DNAJC13: variants seen among roughly 807,000 people sequenced by gnomAD.
DNAJC13 encodes dnaJ homolog subfamily C member 13.
In DNAJC13, 75 loss-of-function variants were observed where a neutral mutation model predicts 290.5. The observed-to-expected ratio is 0.26, with a 90% CI of 0.21 to 0.31. The LOEUF is 0.31. Ranked by LOEUF, DNAJC13 falls within the 10% of genes least tolerant of loss-of-function variation. The pLI is 1.00. For missense variants in DNAJC13, 2,260 were observed against 2,674.5 expected (o/e 0.85, Z 3.42); for synonymous variants, 862 against 892.0 (o/e 0.97, Z 0.60).
intron 1 of DNAJC13, among the ~76,000 whole-genome samples, chr3:132,425,388 G>A (rs1421595465): frequency 2.0e-5 from 3 of 152,116 alleles, no homozygotes; most frequent in Non-Finnish European, 2.9e-5. Flanking sequence ...CCAACATATT[G>A]TAAACATTTT....
At chr3:132,479,149 T>C in intron 24 of DNAJC13, 78 bp from the exon 25 acceptor site, 1 of 853,200 alleles carries the variant, frequency 1.2e-6, no homozygotes, top group Non-Finnish European at 1.9e-6. Context: ...GGGCTGTTGG[T>C]TTATTTTGTC....
intron 36 of DNAJC13, among the ~76,000 whole-genome samples, chr3:132,497,322 A>AG (rs1260987555): frequency 1.3e-5 from 2 of 152,194 alleles, no homozygotes; most frequent in African/African-American, 4.8e-5. Context: ...GTTGGGGATG[A>AG]GGGGTTAGGT....
rs1473345956 is a variant in DNAJC13 at position 132,482,348 on chromosome 3, A to G, written c.2979+18A>G. The G allele has an allele frequency of 6.2e-7, 1 of 1,601,400 alleles. No homozygotes were observed. ...TTCATGAGGTATGTATCTTGGAGAT[A>G]CTTTTGGTGAAGGTCTCAGCATTTC... is the stretch of plus-strand genomic sequence containing the variant. On this transcript the variant is annotated intron_variant, in intron 27 of 55. Coordinates refer to ENST00000260818, the MANE Select transcript of DNAJC13 (RefSeq NM_015268.4).
At chr3:132,532,255 A>G (rs752461429) in intron 55 of DNAJC13, among the ~76,000 whole-genome samples, 1 of 152,194 alleles carries the variant, frequency 6.6e-6, no homozygotes, top group Non-Finnish European at 1.5e-5. Context: ...CTAGTATAGA[A>G]GTTTATAAGA....
chr3:132,455,782 CAAAA>C (rs1933577213), intron 9 of DNAJC13, among the ~76,000 whole-genome samples: 1 of 152,106 alleles, frequency 6.6e-6, no homozygotes, highest in Admixed American at 6.5e-5. Flanking sequence ...CTTTAAAAAG[CAAAA>C]CTATAGAGAT....
Position 132,505,581 on chromosome 3 carries a change from T to C in DNAJC13, c.4998+166T>C, listed in dbSNP as rs953601523. Among the ~76,000 whole-genome samples the C allele has an allele frequency of 4.6e-5, 7 of 152,362 alleles. No individual in the cohort carries two copies. In the South Asian group the frequency reaches 1.2e-3, roughly 27 times the overall value. ...CCCATTTAAGAAGAGCATTGTGTTG[T>C]ATGTAGTAATACATTAGGAATTTTT... On this transcript the variant is annotated intron_variant, in intron 42 of 55. Coordinates refer to ENST00000260818, the MANE Select transcript of DNAJC13 (RefSeq NM_015268.4).
chr3:132,459,283 G>A (rs537112362), intron 13 of DNAJC13, among the ~76,000 whole-genome samples: 41 of 152,234 alleles, frequency 2.7e-4, no homozygotes, highest in African/African-American at 9.4e-4. Context: ...ATTCTGACAC[G>A]TTTTGCAACA....
chr3:132,449,024 A>G (rs1426425711), intron 5 of DNAJC13, among the ~76,000 whole-genome samples: 1 of 152,196 alleles, frequency 6.6e-6, no homozygotes, highest in Non-Finnish European at 1.5e-5. Context: ...AACTTCAGCC[A>G]TTTAATACTT....
rs763261586 is a variant in DNAJC13, at chr3:132,461,061, T to C, written c.1569T>C (p.Thr523=). The change falls in exon 15 of 56, where the codon ACT becomes ACC. Residue 523 remains threonine (T), a synonymous_variant. Transcript: ENST00000260818. The part of the protein sequence containing the change: ...EKFNSHVDHG[T]GALVISSLLD... ...TTGCATTGTTTCAGGATCATGGGAC[T>C]GGTGCCCTAGTTATTAGTTCGCTCT... is the stretch of plus-strand genomic sequence containing the variant. 1.9e-5 allele frequency: 30 copies of C among 1,613,930 alleles called. No individual in the cohort carries two copies. The South Asian group carries it at 2.7e-4, about 15-fold the overall frequency.
chr3:132,530,897 A>G lies in DNAJC13; in HGVS notation c.6526-101A>G. On this transcript the variant is annotated intron_variant, in intron 54 of 55. Transcript: ENST00000260818. ...TTGCTCCATATTTGGGTCTTTCCTC[A>G]CTGGCCTTCTTCCTTGTTGCTTTGG... The G allele has an allele frequency of 1.0e-5, 10 of 976,228 alleles. 1 individual carries two copies. In the South Asian group the frequency reaches 1.3e-4, roughly 13 times the overall value. 60.5% of individuals were successfully genotyped at this position (976,228 alleles called of 1,614,324 possible).
At chr3:132,475,959 G>A (rs1576484758) in intron 22 of DNAJC13, among the ~76,000 whole-genome samples, 1 of 151,404 alleles carries the variant, frequency 6.6e-6, no homozygotes, top group Admixed American at 6.6e-5. Context: ...TCTGAGACAC[G>A]ACCTTGCTTT....
intron 55 of DNAJC13, among the ~76,000 whole-genome samples, chr3:132,532,861 C>T (rs1201020747): frequency 1.3e-5 from 2 of 150,460 alleles, no homozygotes; most frequent in Non-Finnish European, 2.9e-5. Flanking sequence ...CCTCAGCTTC[C>T]CAAGTAGCTG....
chr3:132,467,658 G>T (rs1159639430), intron 20 of DNAJC13, among the ~76,000 whole-genome samples: 1 of 152,032 alleles, frequency 6.6e-6, no homozygotes, highest in Non-Finnish European at 1.5e-5. Context: ...GTAGAGATGG[G>T]GTTTCACCGT....
chr3:132,429,092 G>A (rs1244178564), intron 1 of DNAJC13, among the ~76,000 whole-genome samples: 1 of 152,176 alleles, frequency 6.6e-6, no homozygotes, highest in African/African-American at 2.4e-5. Flanking sequence ...ATTTATAGAT[G>A]ATAGAATATT....
intron 35 of DNAJC13, 29 bp from the exon 36 acceptor site, chr3:132,496,499 A>G (rs1335570818): frequency 3.3e-6 from 5 of 1,530,116 alleles, no homozygotes; most frequent in Non-Finnish European, 4.4e-6. Flanking sequence ...ATTCCAAATT[A>G]ACGTTAAATT....
chr3:132,512,665 G>C (rs1935812149), intron 44 of DNAJC13, among the ~76,000 whole-genome samples: 1 of 152,174 alleles, frequency 6.6e-6, no homozygotes, highest in Non-Finnish European at 1.5e-5. Context: ...ATTAGGTTGA[G>C]GGGGGTAACC....
chr3:132,452,970 C>T (rs1468325119), intron 6 of DNAJC13, among the ~76,000 whole-genome samples: 1 of 152,216 alleles, frequency 6.6e-6, no homozygotes, highest in Non-Finnish European at 1.5e-5. Context: ...ACACAGTACC[C>T]ATCACCCCCA....
chr3:132,501,223 C>G (rs763630657), intron 39 of DNAJC13, among the ~76,000 whole-genome samples: 1 of 152,012 alleles, frequency 6.6e-6, no homozygotes, highest in Non-Finnish European at 1.5e-5. Context: ...AAGGCCAGCC[C>G]GGTGTGGTGG....
intron 31 of DNAJC13, 113 bp downstream of exon 31, chr3:132,489,134 ATT>A: frequency 1.3e-6 from 1 of 769,000 alleles, no homozygotes. Context: ...GAGGGTAGGT[ATT>A]GTTTTATTCT....
Sources: allele counts gnomAD v4.1 joint callset (sites outside exome capture counted in the v4.1 genomes callset), GRCh38; gene constraint gnomAD v4.1.1; transcripts MANE v1.5; gene names NCBI Gene and HGNC (gene_info 2026-07-23, HGNC 2026-07-21).